The following ITSN2 variants were observed in gnomAD, a reference collection of about 807,000 sequenced individuals.
ITSN2 encodes the protein intersectin 2.
ITSN2 carries 156 observed loss-of-function variants against 243.7 expected under a neutral mutation model. That is an observed-to-expected ratio of 0.64 (90% CI 0.56 to 0.73). The LOEUF is 0.73. ITSN2 is among the 30% of genes least tolerant of loss of function. The pLI is 0.00. For missense variants in ITSN2, 1,801 were observed against 1,996.1 expected, an observed-to-expected ratio of 0.90 and a Z score of 1.86; for synonymous variants, 703 against 699.9, an observed-to-expected ratio of 1.00 and a Z score of -0.07.
chr2:24,236,902 C>G (rs549392235), intron 29 of ITSN2, among the ~76,000 whole-genome samples: 1 of 149,996 alleles, frequency 6.7e-6, no homozygotes, highest in African/African-American at 2.4e-5. Context: ...CACCAAGTTG[C>G]TCAGGCTGGC....
rs1317741522 is a variant in ITSN2 at position 24,204,118 on chromosome 2, T to G, written c.4936+127A>C. 2 of 934,252 alleles carry G rather than the reference T, an allele frequency of 2.1e-6. No homozygotes were observed. The highest frequency in any genetic ancestry group is 3.3e-6 in the Non-Finnish European group (2 of 610,140). 57.9% of individuals were successfully genotyped at this position (934,252 alleles called of 1,614,324 possible). A position where few individuals can be genotyped will look rare whatever the true frequency, so the allele number is the denominator to read the frequency against. The stretch of plus-strand genomic sequence containing the variant: ...CCACCCACCTGCTGCCAAAGCGAGA[T>G]GACACAGGCCTGTGTCACTTCCCTG... On this transcript the variant is annotated intron_variant, in intron 39 of 39. Transcript: ENST00000355123. This position sits in a 1 kb window ranked among gnomAD's most constrained non-coding sequence, Gnocchi z 5.1.
intron 32 of ITSN2, among the ~76,000 whole-genome samples, chr2:24,213,908 AG>A (rs1212839496): frequency 1.3e-5 from 2 of 152,204 alleles, no homozygotes; most frequent in Non-Finnish European, 2.9e-5. Flanking sequence ...TGCATCCCTG[AG>A]ATCATCGTAA....
At chr2:24,298,552 T>C in intron 13 of ITSN2, 113 bp downstream of exon 13, 1 of 985,258 alleles carries the variant, frequency 1.0e-6, no homozygotes, top group Non-Finnish European at 1.5e-6. Context: ...TGCCTTGGCC[T>C]CCCAAAGTGC....
chr2:24,269,059 T>A (rs1574085536), intron 20 of ITSN2, among the ~76,000 whole-genome samples: 1 of 21,176 alleles, frequency 4.7e-5, no homozygotes, highest in African/African-American at 1.1e-4. Flanking sequence ...AACTCTCCTG[T>A]TTTTTTTTTT....
At chr2:24,341,254 T>C (rs1443956939) in intron 1 of ITSN2, among the ~76,000 whole-genome samples, 1 of 152,092 alleles carries the variant, frequency 6.6e-6, no homozygotes, top group African/African-American at 2.4e-5. Context: ...TACAAAGACA[T>C]CTAGATGGAA....
At chr2:24,287,343 A>G (rs1679637487) in intron 15 of ITSN2, among the ~76,000 whole-genome samples, 1 of 152,092 alleles carries the variant, frequency 6.6e-6, no homozygotes, top group Non-Finnish European at 1.5e-5. Flanking sequence ...GTCTGAACCC[A>G]CTGATCAACA....
chr2:24,204,801 C>T lies in ITSN2; in HGVS notation c.4763-383G>A. 1 of 466,782 alleles carries T rather than the reference C, an allele frequency of 2.1e-6. No individual in the cohort carries two copies. The highest frequency in any genetic ancestry group is 1.6e-5 in the South Asian group (1 of 63,562). 28.9% of individuals were successfully genotyped at this position (466,782 alleles called of 1,614,324 possible). ...ATATGCGCATTTTAGTGGCACTGGACACACTGTTAGAAAGCATTCCTTTAT... is the reference window on the plus strand; with the variant it reads ...ATATGCGCATTTTAGTGGCACTGGATACACTGTTAGAAAGCATTCCTTTAT... On this transcript the variant is annotated intron_variant, in intron 38 of 39. Transcript: ENST00000355123. The surrounding 1 kb of genome is among the most constrained non-coding windows in gnomAD (Gnocchi z 5.1).
intron 29 of ITSN2, among the ~76,000 whole-genome samples, chr2:24,223,998 G>A (rs1670774959): frequency 6.6e-6 from 1 of 152,016 alleles, no homozygotes; most frequent in Non-Finnish European, 1.5e-5. Context: ...AACTGCAGAG[G>A]GTAACTGAGT....
chr2:24,273,446 G>C (rs533894860), intron 18 of ITSN2, among the ~76,000 whole-genome samples: 19 of 152,232 alleles, frequency 1.2e-4, no homozygotes, highest in South Asian at 4.1e-4. Flanking sequence ...TACCCAATTA[G>C]CTTTCATTTG....
chr2:24,253,790 T>C (rs1190991895), intron 24 of ITSN2, among the ~76,000 whole-genome samples: 2 of 152,226 alleles, frequency 1.3e-5, no homozygotes, highest in Non-Finnish European at 2.9e-5. Flanking sequence ...ACCTCAACTA[T>C]TCAACTAACT....
At chr2:24,311,328 G>T (rs1257903086) in intron 5 of ITSN2, among the ~76,000 whole-genome samples, 2 of 152,106 alleles carry the variant, frequency 1.3e-5, no homozygotes, top group Non-Finnish European at 2.9e-5. Context: ...CAATGATTTA[G>T]TATTTATCTT....
chr2:24,274,835 C>CA (rs1355920363), intron 18 of ITSN2, among the ~76,000 whole-genome samples: 74 of 151,880 alleles, frequency 4.9e-4, no homozygotes, highest in Non-Finnish European at 4.4e-5. Flanking sequence ...TTTACCAAGG[C>CA]AAAAAAATAC....
chr2:24,331,019 A>T (rs1470705128), intron 1 of ITSN2, among the ~76,000 whole-genome samples: 3 of 150,068 alleles, frequency 2.0e-5, no homozygotes, highest in Non-Finnish European at 4.4e-5. Context: ...CACCTGCCTC[A>T]GCCTCCCAAA....
At chr2:24,316,423 G>C (rs1324000772) in intron 2 of ITSN2, among the ~76,000 whole-genome samples, 1 of 152,134 alleles carries the variant, frequency 6.6e-6, no homozygotes, top group African/African-American at 2.4e-5. Flanking sequence ...TGGGACTACA[G>C]GCATGCGCCA....
chr2:24,351,032 T>G (rs971447468), intron 1 of ITSN2, among the ~76,000 whole-genome samples: 3 of 152,152 alleles, frequency 2.0e-5, no homozygotes, highest in Non-Finnish European at 4.4e-5. Flanking sequence ...TTTTAAAAAA[T>G]CTATTCACGT....
chr2:24,313,572 T>C, intron 3 of ITSN2, 49 bp from the exon 4 acceptor site: 1 of 1,327,960 alleles, frequency 7.5e-7, no homozygotes, highest in Non-Finnish European at 1.1e-6. Context: ...TAAATGAAAT[T>C]ATTCCAATGC....
chr2:24,222,230 C>G (rs1394313162), intron 29 of ITSN2, among the ~76,000 whole-genome samples: 1 of 99,046 alleles, frequency 1.0e-5, no homozygotes, highest in Admixed American at 1.6e-4. Flanking sequence ...CCAGCCTGGG[C>G]AAAAGAGCAA....
rs1470634407 is a variant in ITSN2, at chr2:24,330,293, G to C, written c.-33-2178C>G. On this transcript the variant is annotated intron_variant, in intron 1 of 39. Transcript: ENST00000355123. Reference sequence around the variant, plus strand: ...TGTGAATACAAAAGAATGCCAAATAGAGAGCAACGTGAAGAAGAAGACGCG... The same window carrying C: ...TGTGAATACAAAAGAATGCCAAATACAGAGCAACGTGAAGAAGAAGACGCG... The C allele has an allele frequency of 1.3e-5, 5 of 387,120 alleles. No homozygotes were observed. The Admixed American group carries it at 1.8e-4, about 14-fold the overall frequency. 24.0% of individuals were successfully genotyped at this position (387,120 alleles called of 1,614,324 possible). A position where few individuals can be genotyped will look rare whatever the true frequency, so the allele number is the denominator to read the frequency against.
intron 1 of ITSN2, among the ~76,000 whole-genome samples, chr2:24,359,550 G>A (rs890122356): frequency 6.6e-6 from 1 of 152,090 alleles, no homozygotes; most frequent in Admixed American, 6.5e-5. Flanking sequence ...AAATCCAAAC[G>A]GAGCATCTTT....
Sources: allele counts gnomAD v4.1 joint callset (sites outside exome capture counted in the v4.1 genomes callset), GRCh38; gene constraint gnomAD v4.1.1; non-coding constraint Gnocchi (gnomAD v3.1); transcripts MANE v1.5; gene names NCBI Gene and HGNC (gene_info 2026-07-23, HGNC 2026-07-21).